Variants in DIAPH3 observed in about 807,000 individuals in gnomAD.
DIAPH3 encodes the protein diaphanous related formin 3.
DIAPH3 carries 117 observed loss-of-function variants against 144.3 expected under a neutral mutation model. That is an observed-to-expected ratio of 0.81 (90% CI 0.70 to 0.95). DIAPH3 has a LOEUF of 0.95. Ranked by LOEUF, DIAPH3 falls within the 40% of genes least tolerant of loss-of-function variation. The probability of loss-of-function intolerance (pLI) is 0.00; values close to 1 mark genes in which losing one functional copy is unlikely to be tolerated. For missense variants in DIAPH3, 1,421 were observed against 1,412.7 expected, an observed-to-expected ratio of 1.01 and a Z score of -0.09; for synonymous variants, 519 against 488.9, an observed-to-expected ratio of 1.06 and a Z score of -0.81.
In DIAPH3 at chr13:60,015,003, T is replaced by C. The variant is rs533991435; in HGVS notation, c.771+910A>G. ...TGTTTTGTTTTGTTTTGTTTTGTTT[T>C]GTTTTGTTTAAGGACAGGGATTCAC... On this transcript the variant is annotated intron_variant, in intron 7 of 27. Coordinates refer to ENST00000400324, the MANE Select transcript of DIAPH3 (RefSeq NM_001042517.2). 4.6e-5 allele frequency among the ~76,000 whole-genome samples: 7 copies of C among 152,104 alleles called. No homozygotes were observed. The East Asian group carries it at 1.4e-3, about 29-fold the overall frequency.
chr13:59,719,497 GT>G (rs1357927687), intron 27 of DIAPH3, among the ~76,000 whole-genome samples: 1 of 152,062 alleles, frequency 6.6e-6, no homozygotes, highest in Non-Finnish European at 1.5e-5. Flanking sequence ...TTTGGATGTT[GT>G]TTTCCTTGGT....
intron 5 of DIAPH3, among the ~76,000 whole-genome samples, chr13:60,021,616 G>A (rs563315002): frequency 1.4e-4 from 20 of 147,840 alleles, no homozygotes; most frequent in Non-Finnish European, 2.5e-4. Context: ...ACAAGTGCAA[G>A]ATGGTTGCCC....
At chr13:59,813,564 C>T (rs80111706) in intron 24 of DIAPH3, among the ~76,000 whole-genome samples, 3,237 of 152,000 alleles carry the variant, frequency 0.021, 87 homozygotes, top group East Asian at 0.12. Flanking sequence ...TAATAAAAAT[C>T]AACATAAGAG....
chr13:60,023,245 A>G lies in DIAPH3; in HGVS notation c.627-7100T>C, dbSNP rs2054147089. Among the ~76,000 whole-genome samples, 4 of 134,418 alleles carry G rather than the reference A, an allele frequency of 3.0e-5. No homozygotes were observed. The South Asian group carries it at 6.9e-4, about 23-fold the overall frequency. The allele number at this position is 134,418 out of a possible 152,430, so 88.2% of individuals were successfully genotyped here. A position where few individuals can be genotyped will look rare whatever the true frequency, so the allele number is the denominator to read the frequency against. ...GAGGGCCATCCAAATTATCTATTTC[A>G]TATTGGGTGTGTTGTAGTTTTTCAA... On this transcript the variant is annotated intron_variant, in intron 5 of 27. Coordinates refer to ENST00000400324, the MANE Select transcript of DIAPH3 (RefSeq NM_001042517.2).
intron 27 of DIAPH3, among the ~76,000 whole-genome samples, chr13:59,718,951 A>C (rs1028958108): frequency 4.6e-5 from 7 of 152,156 alleles, no homozygotes; most frequent in Non-Finnish European, 7.4e-5. Context: ...AACTTAAAGA[A>C]AATGTATTCA....
intron 24 of DIAPH3, among the ~76,000 whole-genome samples, chr13:59,831,483 T>C (rs941872516): frequency 2.6e-5 from 4 of 151,874 alleles, no homozygotes; most frequent in African/African-American, 7.2e-5. Flanking sequence ...GTACAAAGTA[T>C]TGCAAACCTG....
chr13:59,845,959 G>C (rs184548252), intron 22 of DIAPH3, among the ~76,000 whole-genome samples: 1 of 151,966 alleles, frequency 6.6e-6, no homozygotes, highest in Non-Finnish European at 1.5e-5. Flanking sequence ...CTTTAACCTC[G>C]CCAGATAAGA....
intron 22 of DIAPH3, among the ~76,000 whole-genome samples, chr13:59,859,445 A>T (rs1181542368): frequency 6.6e-6 from 1 of 152,208 alleles, no homozygotes; most frequent in African/African-American, 2.4e-5. Flanking sequence ...TATAATATCA[A>T]TAAAGAATTT....
chr13:59,763,676 C>A (rs1227140067), intron 27 of DIAPH3, among the ~76,000 whole-genome samples: 1 of 151,834 alleles, frequency 6.6e-6, no homozygotes, highest in Non-Finnish European at 1.5e-5. Context: ...AGAGAGAAAC[C>A]CTGTCACAAA....
At chr13:59,669,251 T>G (rs1566166067) in intron 27 of DIAPH3, among the ~76,000 whole-genome samples, 1 of 152,192 alleles carries the variant, frequency 6.6e-6, no homozygotes, top group East Asian at 1.9e-4. Flanking sequence ...ATCCTCCATT[T>G]CTTTCCTGGT....
intron 27 of DIAPH3, among the ~76,000 whole-genome samples, chr13:59,737,758 A>G (rs1222810066): frequency 2.4e-4 from 36 of 152,220 alleles, no homozygotes; most frequent in Admixed American, 2.4e-3. Context: ...AACCTATACA[A>G]CAAAACACTG....
At chr13:59,677,922 G>C (rs748460502) in intron 27 of DIAPH3, among the ~76,000 whole-genome samples, 14 of 152,110 alleles carry the variant, frequency 9.2e-5, no homozygotes, top group Non-Finnish European at 1.8e-4. Flanking sequence ...CAAGCCTACT[G>C]TTGCTACTGT....
intron 20 of DIAPH3, among the ~76,000 whole-genome samples, chr13:59,884,302 C>G (rs1304860283): frequency 6.6e-6 from 1 of 152,078 alleles, no homozygotes; most frequent in Non-Finnish European, 1.5e-5. Flanking sequence ...CCCACTGATT[C>G]TACATTATGG....
At chr13:60,080,719 A>G (rs2057527994) in intron 4 of DIAPH3, among the ~76,000 whole-genome samples, 1 of 152,000 alleles carries the variant, frequency 6.6e-6, no homozygotes, top group Non-Finnish European at 1.5e-5. Flanking sequence ...ATAGGCACAA[A>G]AGGTAGACAA....
intron 20 of DIAPH3, among the ~76,000 whole-genome samples, chr13:59,895,817 G>A (rs550307120): frequency 3.3e-5 from 5 of 152,306 alleles, no homozygotes; most frequent in Admixed American, 6.5e-5. Flanking sequence ...TGAGCCAGAC[G>A]AGGTAGTCGA....
intron 27 of DIAPH3, among the ~76,000 whole-genome samples, chr13:59,725,950 T>C (rs1266514382): frequency 6.6e-6 from 1 of 152,222 alleles, no homozygotes; most frequent in African/African-American, 2.4e-5. Flanking sequence ...TGATGACCAA[T>C]GTCTTTCCTC....
intron 22 of DIAPH3, among the ~76,000 whole-genome samples, chr13:59,844,733 C>T (rs1361265517): frequency 6.6e-6 from 1 of 152,108 alleles, no homozygotes; most frequent in Non-Finnish European, 1.5e-5. Context: ...GCTAGCTAGA[C>T]AATTTTGACT....
intron 27 of DIAPH3, among the ~76,000 whole-genome samples, chr13:59,726,955 A>G (rs1482422406): frequency 1.3e-5 from 2 of 152,180 alleles, no homozygotes; most frequent in Non-Finnish European, 2.9e-5. Context: ...TCATCTATAA[A>G]GCCTTTTCAT....
intron 1 of DIAPH3, among the ~76,000 whole-genome samples, chr13:60,142,826 T>C (rs1039304902): frequency 1.3e-5 from 2 of 152,150 alleles, no homozygotes; most frequent in African/African-American, 2.4e-5. Flanking sequence ...GGAGGGATCA[T>C]AGCTCACTGC....
Sources: allele counts gnomAD v4.1 joint callset (sites outside exome capture counted in the v4.1 genomes callset), GRCh38; gene constraint gnomAD v4.1.1; transcripts MANE v1.5; gene names NCBI Gene and HGNC (gene_info 2026-07-23, HGNC 2026-07-21).